Variants in MGAT4C observed in about 807,000 individuals in gnomAD.
MGAT4C encodes MGAT4 family member C, also known as alpha-1,3-mannosyl-glycoprotein 4-beta-N-acetylglucosaminyltransferase C.
A neutral mutation model predicts 40.1 loss-of-function variants in MGAT4C; 19 were observed. The observed-to-expected ratio is 0.47, with a 90% confidence interval of 0.33 to 0.70. MGAT4C has a LOEUF of 0.70. Among genes scored for constraint, MGAT4C ranks in the 30% least tolerant of loss-of-function variants. MGAT4C has a pLI of 0.02. For missense variants in MGAT4C, 491 were observed against 563.2 expected (o/e 0.87, Z 1.30); for synonymous variants, 181 against 187.1 (o/e 0.97, Z 0.27).
Position 85,960,686 on chromosome 12 carries a change from CTG to C in MGAT4C, c.*18601_*18602del, listed in dbSNP as rs2136641623. On this transcript the variant is annotated 3_prime_UTR_variant, in exon 5 of 5. Transcript: ENST00000611864. Reference sequence around the variant, plus strand: ...GGTAATGAGAAAACTACTTTGAAGACTGTGCTGAAGGAAATGATGGCATGAAC... The same window carrying C: ...GGTAATGAGAAAACTACTTTGAAGACTGCTGAAGGAAATGATGGCATGAAC... The C allele has an allele frequency of 1.3e-5, 2 of 151,896 alleles. No individual in the cohort carries two copies. The highest frequency in any genetic ancestry group is 3.9e-4 in the East Asian group (2 of 5,160). The allele number at this position is 151,896 out of a possible 1,614,324, so 9.4% of individuals were successfully genotyped here.
chr12:86,765,455 CA>C (rs1951488252), intron 1 of MGAT4C, among the ~76,000 whole-genome samples: 1 of 152,100 alleles, frequency 6.6e-6, no homozygotes, highest in Non-Finnish European at 1.5e-5. Flanking sequence ...GGATATTATC[CA>C]GGAGAAATTC....
intron 1 of MGAT4C, among the ~76,000 whole-genome samples, chr12:86,063,654 C>T (rs773182688): frequency 6.6e-6 from 1 of 152,058 alleles, no homozygotes; most frequent in Non-Finnish European, 1.5e-5. Flanking sequence ...TTCAGGAGAC[C>T]CATCTCACAT....
At chr12:86,149,338 T>C (rs1371252694) in intron 1 of MGAT4C, among the ~76,000 whole-genome samples, 1 of 152,182 alleles carries the variant, frequency 6.6e-6, no homozygotes, top group East Asian at 1.9e-4. Flanking sequence ...TTAAAGGAGA[T>C]AAATGTGACA....
chr12:86,383,549 CAAAAAAAA>C (rs1159593477), intron 3 of MGAT4C, among the ~76,000 whole-genome samples: 10 of 49,854 alleles, frequency 2.0e-4, no homozygotes, highest in African/African-American at 8.2e-4. Flanking sequence ...CACTTCGTCT[CAAAAAAAA>C]AAAAAAAAAA....
chr12:86,132,218 C>T (rs769450934), intron 1 of MGAT4C, among the ~76,000 whole-genome samples: 12 of 152,130 alleles, frequency 7.9e-5, no homozygotes, highest in Non-Finnish European at 5.9e-5. Flanking sequence ...CTGTCTGAAA[C>T]ATTTGAAATA....
intron 3 of MGAT4C, among the ~76,000 whole-genome samples, chr12:86,356,384 C>A (rs1274396842): frequency 6.6e-6 from 1 of 152,138 alleles, no homozygotes; most frequent in Non-Finnish European, 1.5e-5. Flanking sequence ...AGGAAGAACT[C>A]CAGTCTACAG....
chr12:86,746,429 C>A (rs1012879358), intron 1 of MGAT4C, among the ~76,000 whole-genome samples: 1 of 151,378 alleles, frequency 6.6e-6, no homozygotes, highest in Non-Finnish European at 1.5e-5. Flanking sequence ...GGAAAATTAC[C>A]CACTGTACTG....
At chr12:86,186,825 G>A (rs866411993) in intron 1 of MGAT4C, among the ~76,000 whole-genome samples, 1 of 152,098 alleles carries the variant, frequency 6.6e-6, no homozygotes, top group African/African-American at 2.4e-5. Flanking sequence ...GGAAGAATAA[G>A]AAACAGCCTG....
intron 1 of MGAT4C, among the ~76,000 whole-genome samples, chr12:86,142,531 A>G (rs965718532): frequency 4.6e-5 from 7 of 152,176 alleles, no homozygotes; most frequent in African/African-American, 1.7e-4. Flanking sequence ...GTCTCAGTAT[A>G]TACCAATCCT....
chr12:86,505,908 A>T (rs1457540962), intron 2 of MGAT4C, among the ~76,000 whole-genome samples: 1 of 152,148 alleles, frequency 6.6e-6, no homozygotes, highest in Non-Finnish European at 1.5e-5. Context: ...ATAAATCTAG[A>T]TTTTAAACAG....
In MGAT4C at chr12:85,964,963, T is replaced by A. The variant is rs1883280844; in HGVS notation, c.*14326A>T. The A allele has an allele frequency of 6.6e-6, 1 of 152,152 alleles. No individual in the cohort carries two copies. The highest frequency in any genetic ancestry group is 2.4e-5 in the African/African-American group (1 of 41,444). The allele number at this position is 152,152 out of a possible 1,614,324, so 9.4% of individuals were successfully genotyped here. A position where few individuals can be genotyped will look rare whatever the true frequency, so the allele number is the denominator to read the frequency against. On this transcript the variant is annotated 3_prime_UTR_variant, in exon 5 of 5. Coordinates refer to ENST00000611864, the MANE Select transcript of MGAT4C (RefSeq NM_001351288.2). Reference sequence around the variant, plus strand: ...CAAATAAACTATTACTGACCTCCCTTGGATTATGATGAAAACCGTGGAGTC... The same window carrying A: ...CAAATAAACTATTACTGACCTCCCTAGGATTATGATGAAAACCGTGGAGTC...
rs571023970 is a variant in MGAT4C at position 86,023,844 on chromosome 12, T to C, written c.-7+25830A>G. 2.6e-5 allele frequency among the ~76,000 whole-genome samples: 4 copies of C among 151,764 alleles called. No individual in the cohort carries two copies. The South Asian group carries it at 8.3e-4, about 31-fold the overall frequency. ...TCCCATTTAGAAAGTTAGAGCTGAG[T>C]TGGGCAATTTAAAGGTCACTTCCAT... is the stretch of plus-strand genomic sequence containing the variant. On this transcript the variant is annotated intron_variant, in intron 2 of 4. Transcript: ENST00000611864.
chr12:85,997,410 T>A (rs1023797004), intron 2 of MGAT4C, among the ~76,000 whole-genome samples: 2 of 152,034 alleles, frequency 1.3e-5, no homozygotes, highest in Non-Finnish European at 2.9e-5. Context: ...AATCTCGCCT[T>A]CCCAACAGTC....
intron 4 of MGAT4C, among the ~76,000 whole-genome samples, chr12:86,297,144 G>T (rs1003639370): frequency 6.6e-6 from 1 of 152,118 alleles, no homozygotes; most frequent in African/African-American, 2.4e-5. Context: ...AGATAAACAT[G>T]GAAGTTTAAG....
chr12:86,753,777 T>A (rs2136144041), intron 1 of MGAT4C, among the ~76,000 whole-genome samples: 1 of 152,078 alleles, frequency 6.6e-6, no homozygotes, highest in South Asian at 2.1e-4. Context: ...ATATCATCAG[T>A]CATTAAGAAA....
chr12:86,525,497 G>T (rs748330679), intron 2 of MGAT4C, among the ~76,000 whole-genome samples: 3 of 152,128 alleles, frequency 2.0e-5, no homozygotes, highest in Non-Finnish European at 4.4e-5. Context: ...GTGGTTGTTT[G>T]GAGGAAAAAA....
intron 2 of MGAT4C, among the ~76,000 whole-genome samples, chr12:86,029,333 C>T (rs900854502): frequency 1.3e-5 from 2 of 151,816 alleles, no homozygotes; most frequent in African/African-American, 2.4e-5. Context: ...TCTACTCTCA[C>T]GAGAAAAACT....
intron 1 of MGAT4C, among the ~76,000 whole-genome samples, chr12:86,226,171 A>G (rs1326837437): frequency 2.6e-5 from 4 of 151,962 alleles, no homozygotes; most frequent in African/African-American, 9.7e-5. Context: ...TATATGCGCT[A>G]TAATATAATA....
In MGAT4C at chr12:85,976,594, G is replaced by A. The variant is rs1883997378; in HGVS notation, c.*2695C>T. Reference sequence around the variant, plus strand: ...ATTTGTATGGCAATTAAATGACTCAGCCATTCATGTCTCATGCCAGTCTTT... The same window carrying A: ...ATTTGTATGGCAATTAAATGACTCAACCATTCATGTCTCATGCCAGTCTTT... On this transcript the variant is annotated 3_prime_UTR_variant, in exon 5 of 5. Transcript: ENST00000611864. The A allele has an allele frequency of 6.8e-6, 1 of 147,554 alleles. No homozygotes were observed. Among genetic ancestry groups the A allele is most frequent in the South Asian group, 2.1e-4 (1 of 4,746 alleles). The allele number at this position is 147,554 out of a possible 1,614,324, so 9.1% of individuals were successfully genotyped here.
Sources: allele counts gnomAD v4.1 joint callset (sites outside exome capture counted in the v4.1 genomes callset), GRCh38; gene constraint gnomAD v4.1.1; transcripts MANE v1.5; gene names NCBI Gene and HGNC (gene_info 2026-07-23, HGNC 2026-07-21).